Variants in ARHGEF38 observed in about 807,000 individuals in gnomAD.
The protein encoded by ARHGEF38 is Rho guanine nucleotide exchange factor 38.
ARHGEF38 carries 79 observed loss-of-function variants against 79.9 expected under a neutral mutation model. That is an observed-to-expected ratio of 0.99 (90% CI 0.82 to 1.19). ARHGEF38 has a LOEUF of 1.19. Ranked by LOEUF, ARHGEF38 falls within the 50% of genes most tolerant of loss-of-function variation. The pLI is 0.00. For missense variants in ARHGEF38, 962 were observed against 907.2 expected (o/e 1.06, Z -0.78); for synonymous variants, 366 against 328.3 (o/e 1.11, Z -1.24).
chr4:105,673,625 G>A (rs1160635596), intron 13 of ARHGEF38, among the ~76,000 whole-genome samples: 1 of 152,032 alleles, frequency 6.6e-6, no homozygotes, highest in Non-Finnish European at 1.5e-5. Flanking sequence ...AGCTTGCAAA[G>A]TTATGTATAC....
intron 7 of ARHGEF38, among the ~76,000 whole-genome samples, chr4:105,653,162 A>G (rs1015205086): frequency 1.6e-4 from 24 of 152,334 alleles, no homozygotes; most frequent in South Asian, 1.5e-3. Context: ...CATAAAAAGC[A>G]TATCTTTCTG....
intron 2 of ARHGEF38, among the ~76,000 whole-genome samples, chr4:105,611,853 A>G (rs1728308867): frequency 1.3e-5 from 2 of 152,094 alleles, no homozygotes; most frequent in Admixed American, 1.3e-4. Context: ...GTCTAATCCT[A>G]TATTGAAATA....
intron 13 of ARHGEF38, among the ~76,000 whole-genome samples, chr4:105,676,832 T>C (rs1731140189): frequency 6.6e-6 from 1 of 152,072 alleles, no homozygotes; most frequent in African/African-American, 2.4e-5. Flanking sequence ...AATTGTACCA[T>C]TCAAAGAAAC....
chr4:105,650,090 A>T (rs952817213), intron 7 of ARHGEF38, among the ~76,000 whole-genome samples: 3 of 152,246 alleles, frequency 2.0e-5, no homozygotes, highest in African/African-American at 7.2e-5. Flanking sequence ...TGTCATTATT[A>T]TCATAAATTT....
Position 105,680,556 on chromosome 4 carries a change from G to A in ARHGEF38, c.*2619G>A, listed in dbSNP as rs1444780513. ...CTACTTTCATTACTGCTCAGTTAAA[G>A]GGTCTTGTAGCTCATTTTATGACAT... On this transcript the variant is annotated 3_prime_UTR_variant, in exon 14 of 14. Transcript: ENST00000420470. The A allele has an allele frequency of 1.3e-5, 2 of 152,656 alleles. No homozygotes were observed. The highest frequency in any genetic ancestry group is 4.8e-5 in the African/African-American group (2 of 41,396). 9.5% of individuals were successfully genotyped at this position (152,656 alleles called of 1,614,324 possible).
intron 3 of ARHGEF38, among the ~76,000 whole-genome samples, chr4:105,624,596 G>A (rs151297602): frequency 3.4e-4 from 51 of 152,166 alleles, no homozygotes; most frequent in Non-Finnish European, 5.4e-4. Context: ...AGGGAGTGTG[G>A]CTTCTTTAAG....
chr4:105,626,386 C>T (rs1728948149), intron 3 of ARHGEF38, among the ~76,000 whole-genome samples: 1 of 152,088 alleles, frequency 6.6e-6, no homozygotes, highest in South Asian at 2.1e-4. Flanking sequence ...TTGCATGTGC[C>T]AGCCCCTGAT....
At position 105,589,361 on chromosome 4, in the gene ARHGEF38, C is replaced by G. The variant is rs769590354; in HGVS notation, c.310C>G (p.Gln104Glu). Residue 104 changes from glutamine (Q) to glutamate (E), a missense_variant, in exon 2 of 14, where the codon CAG (glutamine) becomes GAG (glutamate). Coordinates refer to ENST00000420470, the MANE Select transcript of ARHGEF38 (RefSeq NM_001242729.2). ...GGAAAAGATCATTAAGGAGCTGATA[C>G]AGACAGAAAAGGATTATCTCAATGA... is the stretch of plus-strand genomic sequence containing the variant. Reference protein sequence around the residue: ...KREKIIKELIQTEKDYLNDLE... With the variant: ...KREKIIKELIETEKDYLNDLE... 1 of 1,613,992 alleles carries G rather than the reference C, an allele frequency of 6.2e-7. No individual in the cohort carries two copies. The highest frequency in any genetic ancestry group is 1.7e-5 in the Admixed American group (1 of 60,004).
At chr4:105,610,957 CTA>C (rs1728269641) in intron 2 of ARHGEF38, among the ~76,000 whole-genome samples, 1 of 152,056 alleles carries the variant, frequency 6.6e-6, no homozygotes, top group African/African-American at 2.4e-5. Context: ...GTAAAGTACT[CTA>C]TTATTAATAT....
At chr4:105,658,440 CTG>C (rs1178971783) in intron 9 of ARHGEF38, among the ~76,000 whole-genome samples, 1 of 152,070 alleles carries the variant, frequency 6.6e-6, no homozygotes, top group Admixed American at 6.5e-5. Context: ...AGTTACAACT[CTG>C]TGGTCATTTC....
chr4:105,591,799 A>G (rs758319243), intron 2 of ARHGEF38, among the ~76,000 whole-genome samples: 1 of 152,202 alleles, frequency 6.6e-6, no homozygotes, highest in African/African-American at 2.4e-5. Flanking sequence ...CAGAATTACC[A>G]GACACTTTCT....
At chr4:105,562,113 A>G (rs943812842) in intron 1 of ARHGEF38, among the ~76,000 whole-genome samples, 1 of 152,154 alleles carries the variant, frequency 6.6e-6, no homozygotes, top group Non-Finnish European at 1.5e-5. Context: ...TAAAAAAGGA[A>G]AAGGCAGAGA....
chr4:105,674,777 T>C (rs1043955796), intron 13 of ARHGEF38, among the ~76,000 whole-genome samples: 1 of 152,082 alleles, frequency 6.6e-6, no homozygotes, highest in Non-Finnish European at 1.5e-5. Flanking sequence ...TTTTAATATT[T>C]AGAATATAAA....
At chr4:105,649,211 A>G (rs892302189) in intron 7 of ARHGEF38, among the ~76,000 whole-genome samples, 3 of 152,164 alleles carry the variant, frequency 2.0e-5, no homozygotes, top group Non-Finnish European at 4.4e-5. Flanking sequence ...CCAGATGCAC[A>G]TTATATTAGT....
chr4:105,624,988 C>G (rs181690232), intron 3 of ARHGEF38, among the ~76,000 whole-genome samples: 62 of 152,332 alleles, frequency 4.1e-4, no homozygotes, highest in African/African-American at 1.4e-3. Context: ...CATCACACCC[C>G]CTTCTCTGTA....
chr4:105,641,379 C>T (rs973440278), intron 5 of ARHGEF38, among the ~76,000 whole-genome samples: 5 of 152,014 alleles, frequency 3.3e-5, no homozygotes, highest in Non-Finnish European at 1.5e-5. Flanking sequence ...TCTGTTACAT[C>T]GGTTACTATT....
At chr4:105,670,220 G>A (rs1296498225) in intron 13 of ARHGEF38, among the ~76,000 whole-genome samples, 1 of 152,178 alleles carries the variant, frequency 6.6e-6, no homozygotes, top group African/African-American at 2.4e-5. Context: ...GTAATCCAAA[G>A]TGGGCGCACC....
chr4:105,661,936 A>G (rs1353484410), intron 10 of ARHGEF38, among the ~76,000 whole-genome samples: 1 of 152,124 alleles, frequency 6.6e-6, no homozygotes, highest in East Asian at 1.9e-4. Context: ...CGGGGTCATG[A>G]TACGTGGACA....
chr4:105,561,419 A>AGAATAGAATGGAATGGAATGGAATG (rs1560684256), intron 1 of ARHGEF38, among the ~76,000 whole-genome samples: 1 of 46,046 alleles, frequency 2.2e-5, no homozygotes. Context: ...AGAATAGAAT[A>AGAATAGAATGGAATGGAATGGAATG]GAATGGAATA....
Sources: gnomAD v4.1 joint callset for allele counts (sites outside exome capture counted in the v4.1 genomes callset) on GRCh38, gnomAD v4.1.1 for gene constraint, MANE v1.5 for transcripts, NCBI Gene and HGNC (gene_info 2026-07-23, HGNC 2026-07-21) for gene names.